Variants in ZNF521 observed in about 807,000 individuals in gnomAD.
ZNF521 encodes the protein LYST-interacting protein 3.
ZNF521 carries 14 observed loss-of-function variants against 105.5 expected under a neutral mutation model. That is an observed-to-expected ratio of 0.13 (90% CI 0.09 to 0.21). ZNF521 has a LOEUF of 0.21. Ranked by LOEUF, ZNF521 falls within the 10% of genes least tolerant of loss-of-function variation. The probability of loss-of-function intolerance (pLI) is 1.00; values close to 1 mark genes in which losing one functional copy is unlikely to be tolerated. For synonymous variants in ZNF521, 635 were observed against 606.0 expected (o/e 1.05, Z -0.70); for missense variants, 1,233 against 1,629.7 (o/e 0.76, Z 4.19).
chr18:25,112,288 C>T (rs1043061465), intron 5 of ZNF521, among the ~76,000 whole-genome samples: 1 of 152,060 alleles, frequency 6.6e-6, no homozygotes, highest in African/African-American at 2.4e-5. Flanking sequence ...GACAAAGGGG[C>T]CTTCGGGTTT....
chr18:25,214,954 T>C (rs1253613229), intron 4 of ZNF521, among the ~76,000 whole-genome samples: 2 of 151,966 alleles, frequency 1.3e-5, no homozygotes, highest in Non-Finnish European at 2.9e-5. Context: ...TCAGGCAGAA[T>C]GACGAGGCGA....
chr18:25,255,647 A>G (rs1908428584), intron 3 of ZNF521, among the ~76,000 whole-genome samples: 1 of 152,102 alleles, frequency 6.6e-6, no homozygotes. Context: ...CTGAGTACCT[A>G]CCATGATGAG....
At chr18:25,074,291 G>A (rs1204495748) in intron 7 of ZNF521, among the ~76,000 whole-genome samples, 1 of 152,216 alleles carries the variant, frequency 6.6e-6, no homozygotes, top group Non-Finnish European at 1.5e-5. Context: ...CTTGTTTTAA[G>A]ATCTAAGCAA....
intron 3 of ZNF521, among the ~76,000 whole-genome samples, chr18:25,276,327 T>C (rs749931017): frequency 2.0e-5 from 3 of 152,034 alleles, no homozygotes; most frequent in Non-Finnish European, 4.4e-5. Context: ...TGTATAAATA[T>C]AATACCCAAT....
chr18:25,117,099 T>A (rs574299266), intron 5 of ZNF521, among the ~76,000 whole-genome samples: 27 of 107,584 alleles, frequency 2.5e-4, no homozygotes, highest in African/African-American at 8.1e-4. Flanking sequence ...ACATCCTTAA[T>A]TAGATTGCTT....
At chr18:25,250,130 G>A (rs146856828) in intron 3 of ZNF521, among the ~76,000 whole-genome samples, 65 of 152,034 alleles carry the variant, frequency 4.3e-4, no homozygotes, top group African/African-American at 1.4e-3. Context: ...TAGTAGAGAC[G>A]GGGTTTCATC....
intron 5 of ZNF521, among the ~76,000 whole-genome samples, chr18:25,182,787 A>AGCAAACAGGCTTCTAGAAGAG (rs1165135126): frequency 2.0e-5 from 3 of 152,228 alleles, no homozygotes; most frequent in African/African-American, 7.2e-5. Flanking sequence ...ATTAGAGTCT[A>AGCAAACAGGCTTCTAGAAGAG]GCAAACAGGC....
At chr18:25,351,061 G>T in intron 1 of ZNF521, 114 bp from the exon 2 acceptor site, 4 of 710,674 alleles carry the variant, frequency 5.6e-6, no homozygotes, top group Non-Finnish European at 5.7e-6. Context: ...GGCCTCCCTC[G>T]CGCCCTCGCT....
intron 4 of ZNF521, among the ~76,000 whole-genome samples, chr18:25,220,655 G>C (rs543147328): frequency 7.9e-5 from 12 of 152,298 alleles, no homozygotes; most frequent in African/African-American, 2.9e-4. Context: ...TCGCGACATG[G>C]AGATCATGAG....
chr18:25,136,299 C>A (rs1177803116), intron 5 of ZNF521, among the ~76,000 whole-genome samples: 1 of 152,084 alleles, frequency 6.6e-6, no homozygotes, highest in African/African-American at 2.4e-5. Flanking sequence ...TTTTAGTAAG[C>A]TTTGGAGATA....
intron 2 of ZNF521, among the ~76,000 whole-genome samples, chr18:25,343,474 G>A (rs1329054879): frequency 6.6e-6 from 1 of 152,166 alleles, no homozygotes; most frequent in South Asian, 2.1e-4. Flanking sequence ...TGTGATAACT[G>A]AGGGACGTAA....
intron 2 of ZNF521, among the ~76,000 whole-genome samples, chr18:25,324,808 A>G (rs1365814377): frequency 6.6e-6 from 1 of 152,340 alleles, no homozygotes; most frequent in East Asian, 1.9e-4. Context: ...CATGAATCCA[A>G]TATCAAAAAT....
In ZNF521 at chr18:25,095,299, G is replaced by A. The variant is rs527294555; in HGVS notation, c.3659-3218C>T. 2.6e-5 allele frequency among the ~76,000 whole-genome samples: 4 copies of A among 152,134 alleles called. No homozygotes were observed. The South Asian group carries it at 8.3e-4, about 32-fold the overall frequency. ...TGTCTTTCCTCCTCCTCTTCCTAAA[G>A]GTGCCAAAAAGCTTAAAAAATTCAA... On this transcript the variant is annotated intron_variant, in intron 5 of 7. Transcript: ENST00000361524.
At chr18:25,176,823 T>C (rs1020590101) in intron 5 of ZNF521, among the ~76,000 whole-genome samples, 1 of 152,174 alleles carries the variant, frequency 6.6e-6, no homozygotes, top group African/African-American at 2.4e-5. Flanking sequence ...TCCCGGAAAA[T>C]TCTAGACACT....
chr18:25,188,838 C>T (rs962279153), intron 5 of ZNF521, among the ~76,000 whole-genome samples: 9 of 152,176 alleles, frequency 5.9e-5, no homozygotes, highest in African/African-American at 2.2e-4. Flanking sequence ...CCTTTAGGGG[C>T]AGTGTGTTCT....
Position 25,097,360 on chromosome 18 carries a change from C to T in ZNF521, c.3659-5279G>A, listed in dbSNP as rs192537099. ...ATATGACTTAGGCTTCAAAGTCTGC[C>T]GGTAGATTAGTCATTAAGCCCCCAA... On this transcript the variant is annotated intron_variant, in intron 5 of 7. Transcript: ENST00000361524. Among the ~76,000 whole-genome samples, 22 of 152,088 alleles carry T rather than the reference C, an allele frequency of 1.4e-4. No homozygotes were observed. In the East Asian group the frequency reaches 1.5e-3, roughly 11 times the overall value.
intron 3 of ZNF521, among the ~76,000 whole-genome samples, chr18:25,261,608 C>T (rs1908913570): frequency 6.6e-6 from 1 of 152,010 alleles, no homozygotes; most frequent in African/African-American, 2.4e-5. Flanking sequence ...TTTCTATCCC[C>T]TTTTTCCTTC....
In ZNF521 at chr18:25,226,569, T is replaced by C. The variant is rs138606013; in HGVS notation, c.1349A>G (p.Tyr450Cys). The part of the protein sequence containing the change: ...QYCLEVLPSL[Y>C]NLNEHLKQVH... ...TTGCTTAAGATGTTCATTTAGGTTA[T>C]AGAGTGAGGGCAGGACCTCCAAGCA... Residue 450 changes from tyrosine to cysteine, a missense_variant, in exon 4 of 8, where the codon TAT becomes TGT. This residue lies in a region of ZNF521 where 380 missense variants were observed against 478.0 expected (regional missense o/e 0.80). Coordinates refer to ENST00000361524, the MANE Select transcript of ZNF521 (RefSeq NM_015461.3). The surrounding 1 kb of genome is among the most constrained non-coding windows in gnomAD (Gnocchi z 4.1). 7.2e-5 allele frequency: 117 copies of C among 1,614,168 alleles called. No homozygotes were observed. Among genetic ancestry groups the C allele is most frequent in the Non-Finnish European group, 5.8e-5 (68 of 1,180,020 alleles).
At chr18:25,092,524 T>C (rs1459118174) in intron 5 of ZNF521, among the ~76,000 whole-genome samples, 1 of 152,234 alleles carries the variant, frequency 6.6e-6, no homozygotes, top group African/African-American at 2.4e-5. Flanking sequence ...TGGTATTCAG[T>C]TGATACAGAC....
Sources: gnomAD v4.1 joint callset for allele counts (sites outside exome capture counted in the v4.1 genomes callset) on GRCh38, gnomAD v4.1.1 for gene constraint, gnomAD v4.1.1 regional missense constraint, Gnocchi (gnomAD v3.1) non-coding constraint, MANE v1.5 for transcripts, NCBI Gene and HGNC (gene_info 2026-07-23, HGNC 2026-07-21) for gene names.